Variants in WNK2 observed in about 807,000 individuals in gnomAD.
The protein encoded by WNK2 is WNK lysine deficient protein kinase 2, also known as serine/threonine-protein kinase WNK2.
Under a neutral mutation model 192.1 loss-of-function variants are expected in WNK2, and 67 were observed. That is an observed-to-expected ratio of 0.35 (90% CI 0.29 to 0.43). WNK2 has a LOEUF of 0.43. WNK2 is among the 20% of genes least tolerant of loss of function. The pLI, the probability that WNK2 is intolerant of heterozygous loss-of-function variation, is 1.00. For missense variants in WNK2, 2,698 were observed against 3,089.7 expected, an observed-to-expected ratio of 0.87 and a Z score of 3.01; for synonymous variants, 1,439 against 1,393.9, an observed-to-expected ratio of 1.03 and a Z score of -0.72.
chr9:93,295,284 C>A (rs888108818), intron 23 of WNK2, among the ~76,000 whole-genome samples: 1 of 152,078 alleles, frequency 6.6e-6, no homozygotes, highest in East Asian at 1.9e-4. Flanking sequence ...CGCTCCCCTG[C>A]CCACGCAGCC....
rs777557739 is a variant in WNK2, at chr9:93,256,956, G to T, written c.2199G>T (p.Pro733=). Residue 733 remains proline (P), a synonymous_variant, in exon 11 of 30, where the codon CCG becomes CCT. Transcript: ENST00000427277. Reference sequence around the variant, plus strand: ...ACCTTCTCTCCCTCTAGCCTCCTCCGCTGGCCCAGCCGACACCCCTGCCGC... The same window carrying T: ...ACCTTCTCTCCCTCTAGCCTCCTCCTCTGGCCCAGCCGACACCCCTGCCGC... ...QPAPPGQQPP[P]LAQPTPLPQV... is the part of the protein sequence containing the mutation. 6.4e-7 allele frequency: 1 copy of T among 1,567,156 alleles called. No homozygotes were observed. Among genetic ancestry groups the T allele is most frequent in the South Asian group, 1.2e-5 (1 of 86,520 alleles).
intron 9 of WNK2, among the ~76,000 whole-genome samples, chr9:93,255,975 G>A (rs1843226857): frequency 6.6e-6 from 1 of 152,160 alleles, no homozygotes; most frequent in African/African-American, 2.4e-5. Flanking sequence ...CATATGGACC[G>A]TGAGCTTCCC....
intron 18 of WNK2, among the ~76,000 whole-genome samples, chr9:93,268,274 A>G (rs933468797): frequency 1.2e-4 from 18 of 152,274 alleles, no homozygotes; most frequent in Middle Eastern, 3.4e-3. Context: ...TGGGCATCCC[A>G]GGAACCAAGC....
chr9:93,232,780 T>C (rs1839061111), intron 4 of WNK2, among the ~76,000 whole-genome samples: 1 of 152,056 alleles, frequency 6.6e-6, no homozygotes, highest in African/African-American at 2.4e-5. Flanking sequence ...CCCAGCTCTG[T>C]GGGCTGTCCC....
intron 12 of WNK2, among the ~76,000 whole-genome samples, chr9:93,260,628 C>T (rs1844072348): frequency 6.6e-6 from 1 of 152,216 alleles, no homozygotes; most frequent in African/African-American, 2.4e-5. Context: ...GTGAGCCGTT[C>T]CTCCTGGCCA....
Position 93,259,223 on chromosome 9 carries a change from C to T in WNK2, c.2675C>T (p.Pro892Leu), listed in dbSNP as rs375671882. The T allele has an allele frequency of 1.7e-5, 27 of 1,613,166 alleles. No individual in the cohort carries two copies. Among genetic ancestry groups the T allele is most frequent in the African/African-American group, 1.3e-4 (10 of 74,866 alleles). Reference protein sequence around the residue: ...ATIPLLAVAPPGVAALSIHSA... With the variant: ...ATIPLLAVAPLGVAALSIHSA... ...ATCCCCCTGCTGGCCGTAGCCCCAC[C>T]GGGCGTGGCTGCCCTGTCCATTCAT... Residue 892 changes from proline (P) to leucine (L), a missense_variant, in exon 12 of 30, where the codon CCG becomes CTG. Coordinates refer to ENST00000427277, the MANE Select transcript of WNK2 (RefSeq NM_006648.4). The surrounding 1 kb of genome is among the most constrained non-coding windows in gnomAD (Gnocchi z 4.8).
At chr9:93,311,054 A>G (rs1399938654) in intron 28 of WNK2, among the ~76,000 whole-genome samples, 1 of 152,190 alleles carries the variant, frequency 6.6e-6, no homozygotes, top group African/African-American at 2.4e-5. Context: ...CCATTAAACA[A>G]TAACTCCCTA....
Position 93,262,035 on chromosome 9 carries a change from A to C in WNK2, c.3288A>C (p.Pro1096=). Residue 1096 remains proline, a synonymous_variant, in exon 13 of 30, where the codon CCA becomes CCC. Coordinates refer to ENST00000427277, the MANE Select transcript of WNK2 (RefSeq NM_006648.4). ...QTATLLPPAN[P]PLPGGPGIAS... ...CCACACTTCTGCCACCAGCAAACCC[A>C]CCGCTGCCTGGCGGGCCCGGGATCG... The C allele has an allele frequency of 6.2e-7, 1 of 1,610,344 alleles. No individual in the cohort carries two copies. Among genetic ancestry groups the C allele is most frequent in the South Asian group, 1.1e-5 (1 of 90,936 alleles).
At chr9:93,271,514 C>A (rs1341361410) in intron 19 of WNK2, among the ~76,000 whole-genome samples, 4 of 152,204 alleles carry the variant, frequency 2.6e-5, no homozygotes, top group Non-Finnish European at 2.9e-5. Flanking sequence ...GACAAACATT[C>A]TTGAAACAAA....
At chr9:93,245,900 G>T (rs1330506770) in intron 7 of WNK2, among the ~76,000 whole-genome samples, 3 of 152,154 alleles carry the variant, frequency 2.0e-5, no homozygotes, top group Non-Finnish European at 2.9e-5. Flanking sequence ...TCAGTTCCCT[G>T]CCAGGAGGGC....
chr9:93,292,409 TGAC>T lies in WNK2; in HGVS notation c.5025+17_5025+19del. 1 of 1,613,926 alleles carries T rather than the reference TGAC, an allele frequency of 6.2e-7. No individual in the cohort carries two copies. The highest frequency in any genetic ancestry group is 2.2e-5 in the East Asian group (1 of 44,872). Reference sequence around the variant, plus strand: ...CAGCGTCCCCCAGGTAAGGGCGACTTGACGACCCCCTGGCTGGTTGGCAGGGTT... The same window carrying T: ...CAGCGTCCCCCAGGTAAGGGCGACTTGACCCCCTGGCTGGTTGGCAGGGTT... On this transcript the variant is annotated intron_variant, in intron 22 of 29. Transcript: ENST00000427277.
chr9:93,274,123 A>G (rs551571595), intron 19 of WNK2, among the ~76,000 whole-genome samples: 1 of 152,370 alleles, frequency 6.6e-6, no homozygotes, highest in Admixed American at 6.5e-5. Flanking sequence ...ATCTAAAACA[A>G]AAATCACAGG....
Position 93,311,857 on chromosome 9 carries a change from TG to T in WNK2, c.6516+3274del, listed in dbSNP as rs1853715838. Among the ~76,000 whole-genome samples, 5 of 151,820 alleles carry T rather than the reference TG, an allele frequency of 3.3e-5. No homozygotes were observed. In the Admixed American group the frequency reaches 3.3e-4, roughly 10 times the overall value. ...CTGATCTCGAACTCCTGACCTCAAGTGATCCACCCGCCTCGGCCTCCCAAAG... is the reference window on the plus strand; with the variant it reads ...CTGATCTCGAACTCCTGACCTCAAGTATCCACCCGCCTCGGCCTCCCAAAG... On this transcript the variant is annotated intron_variant, in intron 28 of 29. Coordinates refer to ENST00000427277, the MANE Select transcript of WNK2 (RefSeq NM_006648.4).
At chr9:93,217,133 AT>A (rs1835888256) in intron 2 of WNK2, among the ~76,000 whole-genome samples, 1 of 151,856 alleles carries the variant, frequency 6.6e-6, no homozygotes, top group African/African-American at 2.4e-5. Context: ...TAATTTTTGT[AT>A]TTTTAGTAGA....
intron 19 of WNK2, among the ~76,000 whole-genome samples, chr9:93,282,636 G>C (rs1847910638): frequency 6.6e-6 from 1 of 152,084 alleles, no homozygotes; most frequent in Non-Finnish European, 1.5e-5. Context: ...TGGCCAGGAA[G>C]ATATAATAAT....
At chr9:93,318,964 C>T (rs1301158394) in intron 29 of WNK2, 1 of 1,448,706 alleles carries the variant, frequency 6.9e-7, no homozygotes, top group Non-Finnish European at 9.1e-7. Flanking sequence ...ATTATTCCAT[C>T]AATTCAGTTA....
At position 93,289,291 on chromosome 9, in the gene WNK2, C is replaced by A. The variant is rs1488911362; in HGVS notation, c.4537C>A (p.Gln1513Lys). Residue 1513 changes from glutamine (Q) to lysine (K), a missense_variant, in exon 20 of 30, where the codon CAG becomes AAG. Physicochemically the swap from Gln to Lys is moderately conservative, Grantham distance 53. Around this residue, in one of 7 missense-constraint regions of WNK2, gnomAD observed 1,098 missense variants for 1,101.0 expected, o/e 1.00. Coordinates refer to ENST00000427277, the MANE Select transcript of WNK2 (RefSeq NM_006648.4). ...AVGAVSLATSQLPSPPLGPTV... is the reference protein window; with the variant it reads ...AVGAVSLATSKLPSPPLGPTV... ...GGGGGCCGTCAGCCTGGCCACCTCC[C>A]AGCTCCCAAGCCCACCCCTGGGGCC... The A allele has an allele frequency of 4.4e-6, 7 of 1,599,432 alleles. No individual in the cohort carries two copies. The highest frequency in any genetic ancestry group is 6.0e-6 in the Non-Finnish European group (7 of 1,174,166).
At position 93,261,818 on chromosome 9, in the gene WNK2, T is replaced by C. The variant is rs1189818194; in HGVS notation, c.3071T>C (p.Leu1024Pro). ...CCTTGTCCCCTGTGCCCCCAGATTC[T>C]GCTTGGCCACCCAGCTCCCTATGCT... Reference protein sequence around the residue: ...APAATPGSQILLGHPAPYAVD... With the variant: ...APAATPGSQIPLGHPAPYAVD... The change falls in exon 13 of 30, where the codon CTG becomes CCG. Residue 1024 changes from leucine (L) to proline (P), a missense_variant. By Grantham distance (98) the Leu-to-Pro change is moderately conservative. This residue lies in a region of WNK2 where 893 missense variants were observed against 909.0 expected (regional missense o/e 0.98). Transcript: ENST00000427277. The C allele has an allele frequency of 6.3e-7, 1 of 1,586,568 alleles. No individual in the cohort carries two copies. Among genetic ancestry groups the C allele is most frequent in the Admixed American group, 1.7e-5 (1 of 59,694 alleles).
intron 1 of WNK2, 126 bp from the exon 2 acceptor site, chr9:93,184,802 C>T: frequency 2.3e-6 from 2 of 882,554 alleles, no homozygotes; most frequent in East Asian, 3.7e-5. Flanking sequence ...AGACGGCCCC[C>T]GCAGGCTCTC....
Sources: allele counts gnomAD v4.1 joint callset (sites outside exome capture counted in the v4.1 genomes callset), GRCh38; gene constraint gnomAD v4.1.1; regional missense constraint gnomAD v4.1.1; non-coding constraint Gnocchi (gnomAD v3.1); transcripts MANE v1.5; gene names NCBI Gene and HGNC (gene_info 2026-07-23, HGNC 2026-07-21).